Variants in RHOT2 observed in about 807,000 individuals in gnomAD.
The protein encoded by RHOT2 is ras homolog family member T2.
RHOT2 carries 90 observed loss-of-function variants against 81.6 expected under a neutral mutation model. The ratio of observed to expected loss-of-function variants is 1.10; its 90% CI spans 0.93 to 1.31. The LOEUF (loss-of-function observed/expected upper bound fraction) is 1.31. Among genes scored for constraint, RHOT2 ranks in the 40% most tolerant of loss-of-function variants. The pLI, the probability that RHOT2 is intolerant of heterozygous loss-of-function variation, is 0.00. For synonymous variants in RHOT2, 512 were observed against 370.9 expected, an observed-to-expected ratio of 1.38 and a Z score of -4.37; for missense variants, 1,014 against 841.9, an observed-to-expected ratio of 1.20 and a Z score of -2.53.
chr16:669,998 C>T (rs942602493), intron 5 of RHOT2, 125 bp from the exon 6 acceptor site: 42 of 855,936 alleles, frequency 4.9e-5, no homozygotes, highest in African/African-American at 2.2e-4. Flanking sequence ...TTCCTGTGGC[C>T]GGGACTTGGG....
intron 11 of RHOT2, 172 bp downstream of exon 11, chr16:671,375 T>C: frequency 2.6e-6 from 2 of 777,496 alleles, no homozygotes; most frequent in Non-Finnish European, 3.8e-6. Context: ...GGCTGTGCCC[T>C]GAACCCCTCA....
At chr16:671,247 G>A (rs746468223) in intron 11 of RHOT2, 44 bp downstream of exon 11, 30 of 1,513,510 alleles carry the variant, frequency 2.0e-5, no homozygotes, top group Middle Eastern at 3.6e-4. Context: ...CCGAGGGTCA[G>A]GAGCTGACTG....
At chr16:671,429 T>C in intron 11 of RHOT2, 1 of 686,738 alleles carries the variant, frequency 1.5e-6, no homozygotes, top group Non-Finnish European at 2.4e-6. Flanking sequence ...GGCTGGCCCT[T>C]TGCCAACCCC....
rs774846746 is a variant in RHOT2 at position 672,003 on chromosome 16, G to A, written c.1097+1G>A. The A allele has an allele frequency of 2.5e-6, 4 of 1,611,726 alleles. No homozygotes were observed. Among genetic ancestry groups the A allele is most frequent in the African/African-American group, 1.3e-5 (1 of 75,030 alleles). On this transcript the variant is annotated splice_donor_variant, in intron 13 of 18. Coordinates refer to ENST00000315082, the MANE Select transcript of RHOT2 (RefSeq NM_138769.3). LOFTEE classifies it high-confidence loss of function. ...TGCACGGATACCTCTGCCAGTGGACGTAAGTGCGGCCCACACCATGCCCGC... is the reference window on the plus strand; with the variant it reads ...TGCACGGATACCTCTGCCAGTGGACATAAGTGCGGCCCACACCATGCCCGC...
Position 670,710 on chromosome 16 carries a change from C to T in RHOT2, c.576C>T (p.Ile192=), listed in dbSNP as rs746668247. 185 of 1,612,346 alleles carry T rather than the reference C, an allele frequency of 1.1e-4. No individual in the cohort carries two copies. The highest frequency in any genetic ancestry group is 9.2e-4 in the Admixed American group (55 of 60,014). Residue 192 remains isoleucine (I), a synonymous_variant, in exon 9 of 19, where the codon ATC becomes ATT. Coordinates refer to ENST00000315082, the MANE Select transcript of RHOT2 (RefSeq NM_138769.3). ...CGTGCGCCCAGGCGCTGACGCGCATCTTCAGGCTCTCAGATCAGGACCTGG... is the reference window on the plus strand; with the variant it reads ...CGTGCGCCCAGGCGCTGACGCGCATTTTCAGGCTCTCAGATCAGGACCTGG... ...RPACAQALTR[I]FRLSDQDLDQ...
At chr16:671,810 G>GGCCCCC in intron 12 of RHOT2, 29 bp downstream of exon 12, 5 of 1,586,206 alleles carry the variant, frequency 3.2e-6, no homozygotes, top group Non-Finnish European at 4.3e-6. Flanking sequence ...CCCTGCCCCT[G>GGCCCCC]CCCCCGCCCC....
In RHOT2 at chr16:670,780, C is replaced by G; in HGVS notation, c.639+7C>G. 6.2e-7 allele frequency: 1 copy of G among 1,611,250 alleles called. No homozygotes were observed. The highest frequency in any genetic ancestry group is 8.5e-7 in the Non-Finnish European group (1 of 1,179,478). On this transcript the variant is annotated splice_region_variant and intron_variant, in intron 9 of 18. Coordinates refer to ENST00000315082, the MANE Select transcript of RHOT2 (RefSeq NM_138769.3). ...AGAGCTCAACGCTTTCCAGGTGTGCCCCTGCCCCACCCTCGGTGCCCAGCC... is the reference window on the plus strand; with the variant it reads ...AGAGCTCAACGCTTTCCAGGTGTGCGCCTGCCCCACCCTCGGTGCCCAGCC...
chr16:669,884 G>A (rs551280943), intron 5 of RHOT2: 238 of 612,840 alleles, frequency 3.9e-4, no homozygotes, highest in Non-Finnish European at 6.4e-4. Context: ...CCTGCGTTGG[G>A]GGCGGCCCTA....
chr16:668,898 G>A, intron 4 of RHOT2, 199 bp downstream of exon 4: 2 of 557,708 alleles, frequency 3.6e-6, no homozygotes, highest in Non-Finnish European at 6.1e-6. Flanking sequence ...GTGCTCCAGG[G>A]ATAACAGGAC....
intron 4 of RHOT2, 133 bp from the exon 5 acceptor site, chr16:669,420 G>C: frequency 1.2e-6 from 1 of 830,286 alleles, no homozygotes; most frequent in South Asian, 1.5e-5. Context: ...GGGCTTTCCC[G>C]GCCTCAGAGC....
chr16:669,814 A>AG lies in RHOT2; in HGVS notation c.276+210dup, dbSNP rs201725016. ...GGGCGTCCCGCAGTCTGAGCCATTG[A>AG]GGCCGGCAGTCCTCTTTCTTCCCCA... On this transcript the variant is annotated intron_variant, in intron 5 of 18. Coordinates refer to ENST00000315082, the MANE Select transcript of RHOT2 (RefSeq NM_138769.3). 5.3e-3 allele frequency: 3,322 copies of AG among 626,772 alleles called. 71 individuals carry two copies. The highest frequency in any genetic ancestry group is 0.045 in the African/African-American group (2,430 of 54,598). 38.8% of individuals were successfully genotyped at this position (626,772 alleles called of 1,614,324 possible).
In RHOT2 at chr16:668,540, A is replaced by C. The variant is rs776871300; in HGVS notation, c.149A>C (p.Lys50Thr). 65 of 1,609,810 alleles carry C rather than the reference A, an allele frequency of 4.0e-5. No homozygotes were observed. The highest frequency in any genetic ancestry group is 5.3e-5 in the Non-Finnish European group (63 of 1,178,914). ...ATCCCCGCGGACGTCACCCCGGAGA[A>C]GGTGCCCACCCACATCGTGGACTAC... ...ITIPADVTPE[K>T]VPTHIVDYSE... Residue 50 changes from lysine (K) to threonine (T), a missense_variant, in exon 3 of 19, where the codon AAG (lysine) becomes ACG (threonine). Transcript: ENST00000315082.
At position 672,191 on chromosome 16, in the gene RHOT2, C is replaced by CA; in HGVS notation, c.1195+11dup. The CA allele has an allele frequency of 6.2e-7, 1 of 1,612,688 alleles. No homozygotes were observed. Among genetic ancestry groups the CA allele is most frequent in the South Asian group, 1.1e-5 (1 of 91,080 alleles). ...GCCCATGCCATCACAGGTAGGCACC[C>CA]ACCCTCCCTGGGCCTGGGCCCAGTA... On this transcript the variant is annotated intron_variant, in intron 14 of 18. Transcript: ENST00000315082.
chr16:670,766 C>T lies in RHOT2; in HGVS notation c.632C>T (p.Ala211Val), dbSNP rs1596503336. 1 of 1,612,100 alleles carries T rather than the reference C, an allele frequency of 6.2e-7. No homozygotes were observed. Among genetic ancestry groups the T allele is most frequent in the South Asian group, 1.1e-5 (1 of 91,082 alleles). Residue 211 changes from alanine (A) to valine (V), a missense_variant, in exon 9 of 19, where the codon GCT becomes GTT. By Grantham distance (64) the Ala-to-Val change is moderately conservative. Transcript: ENST00000315082. ...DQALSDEELNAFQKSCFGHPL... is the reference protein window; with the variant it reads ...DQALSDEELNVFQKSCFGHPL... ...GCGCTCAGTGACGAAGAGCTCAACG[C>T]TTTCCAGGTGTGCCCCTGCCCCACC...
In RHOT2 at chr16:668,481, C is replaced by T. The variant is rs552975216; in HGVS notation, c.97-7C>T. ...GGGTCCCTGGTGAGCGCGCGGGTCCCTTGCAGGTCCCTCCCCGCGCGGAGG... is the reference window on the plus strand; with the variant it reads ...GGGTCCCTGGTGAGCGCGCGGGTCCTTTGCAGGTCCCTCCCCGCGCGGAGG... On this transcript the variant is annotated splice_region_variant and splice_polypyrimidine_tract_variant and intron_variant, in intron 2 of 18. Coordinates refer to ENST00000315082, the MANE Select transcript of RHOT2 (RefSeq NM_138769.3). 35 of 1,601,704 alleles carry T rather than the reference C, an allele frequency of 2.2e-5. No individual in the cohort carries two copies. In the South Asian group the frequency reaches 3.5e-4, roughly 16 times the overall value.
At position 668,227 on chromosome 16, in the gene RHOT2, C is replaced by A; in HGVS notation, c.28C>A (p.Leu10Met). MRRDVRILLLGEAQVGKTSL... is the reference protein window; with the variant it reads MRRDVRILLMGEAQVGKTSL... ...GAGGCGGGACGTGCGCATCCTGTTA[C>A]TGGGCGAGGGTAGGCGCCGGCCCGG... Residue 10 changes from leucine (L) to methionine (M), a missense_variant, in exon 1 of 19, where the codon CTG becomes ATG. By Grantham distance (15) the Leu-to-Met change is conservative. Coordinates refer to ENST00000315082, the MANE Select transcript of RHOT2 (RefSeq NM_138769.3). 1 of 612,798 alleles carries A rather than the reference C, an allele frequency of 1.6e-6. No homozygotes were observed. Among genetic ancestry groups the A allele is most frequent in the Non-Finnish European group, 2.6e-6 (1 of 390,336 alleles). 38.0% of individuals were successfully genotyped at this position (612,798 alleles called of 1,614,324 possible). A position where few individuals can be genotyped will look rare whatever the true frequency, so the allele number is the denominator to read the frequency against.
Position 670,342 on chromosome 16 carries a change from T to C in RHOT2, c.423T>C (p.Ile141=). Residue 141 remains isoleucine (I), a synonymous_variant, in exon 7 of 19, where the codon ATT becomes ATC. Transcript: ENST00000315082. ...CCATCATGAGCCAGTTTCCCGAGAT[T>C]GAGACCTGCGTGGAGGTGAGTAGGT... ...VLPIMSQFPE[I]ETCVECSAKN... 6.2e-7 allele frequency: 1 copy of C among 1,612,618 alleles called. No homozygotes were observed. The highest frequency in any genetic ancestry group is 8.5e-7 in the Non-Finnish European group (1 of 1,179,778).
intron 10 of RHOT2, 23 bp downstream of exon 10, chr16:671,023 G>A (rs1194738010): frequency 1.2e-6 from 2 of 1,604,994 alleles, no homozygotes; most frequent in Non-Finnish European, 1.7e-6. Context: ...GCCCGCCTGT[G>A]CCTGGGGAGT....
chr16:673,199 G>A (rs556871538), intron 18 of RHOT2, 69 bp downstream of exon 18: 1 of 1,514,060 alleles, frequency 6.6e-7, no homozygotes, highest in East Asian at 2.3e-5. Flanking sequence ...CAGCGGTGGT[G>A]TCAGGCCTGG....
Sources: gnomAD v4.1 joint callset for allele counts on GRCh38, gnomAD v4.1.1 for gene constraint, MANE v1.5 for transcripts, NCBI Gene and HGNC (gene_info 2026-07-23, HGNC 2026-07-21) for gene names.